The following SNX29 variants were observed in gnomAD, a reference collection of about 807,000 sequenced individuals.
The protein encoded by SNX29 is sorting nexin-29.
SNX29 carries 78 observed loss-of-function variants against 102.1 expected under a neutral mutation model. The ratio of observed to expected loss-of-function variants is 0.76; its 90% CI spans 0.64 to 0.92. SNX29 has a LOEUF of 0.92. Ranked by LOEUF, SNX29 falls within the 40% of genes least tolerant of loss-of-function variation. The probability of loss-of-function intolerance (pLI) is 0.00; values close to 1 mark genes in which losing one functional copy is unlikely to be tolerated. For synonymous variants in SNX29, 580 were observed against 414.5 expected (o/e 1.40, Z -4.85); for missense variants, 1,280 against 1,061.7 (o/e 1.21, Z -2.86).
chr16:12,052,934 G>A (rs1318170241), intron 8 of SNX29: 1 of 153,246 alleles, frequency 6.5e-6, no homozygotes, highest in African/African-American at 2.4e-5. Flanking sequence ...GTTGTGGTAT[G>A]GTGACTTCTG....
intron 13 of SNX29, among the ~76,000 whole-genome samples, chr16:12,150,239 C>T (rs1472356943): frequency 6.6e-6 from 1 of 152,210 alleles, no homozygotes; most frequent in African/African-American, 2.4e-5. Flanking sequence ...GCTGGAAGTT[C>T]TTTGAGCTAT....
At chr16:12,095,863 T>G (rs968619121) in intron 11 of SNX29, among the ~76,000 whole-genome samples, 31 of 152,360 alleles carry the variant, frequency 2.0e-4, no homozygotes, top group African/African-American at 7.2e-4. Flanking sequence ...ATAGGCTGTG[T>G]TGAGGGGGTC....
intron 14 of SNX29, among the ~76,000 whole-genome samples, chr16:12,260,059 C>T (rs906587690): frequency 1.3e-5 from 2 of 152,244 alleles, no homozygotes; most frequent in Non-Finnish European, 2.9e-5. Context: ...GCTTCACAGG[C>T]ACTTCTCTGT....
intron 15 of SNX29, among the ~76,000 whole-genome samples, chr16:12,292,865 T>C (rs1009726947): frequency 6.6e-6 from 1 of 152,222 alleles, no homozygotes; most frequent in African/African-American, 2.4e-5. Flanking sequence ...GTTAAGCTTG[T>C]AAGGATCAGA....
At chr16:12,551,508 C>G (rs926279278) in intron 20 of SNX29, among the ~76,000 whole-genome samples, 1 of 152,188 alleles carries the variant, frequency 6.6e-6, no homozygotes, top group African/African-American at 2.4e-5. Flanking sequence ...TGGGCCTCAG[C>G]ATCAGGATCT....
chr16:12,063,492 AGC>A (rs2050879942), intron 9 of SNX29, among the ~76,000 whole-genome samples: 1 of 147,798 alleles, frequency 6.8e-6, no homozygotes, highest in African/African-American at 2.5e-5. Flanking sequence ...CTCCTGCCTC[AGC>A]TTCCAGATTA....
At chr16:12,214,293 G>A (rs951171452) in intron 14 of SNX29, among the ~76,000 whole-genome samples, 4 of 152,190 alleles carry the variant, frequency 2.6e-5, no homozygotes, top group African/African-American at 7.2e-5. Context: ...CTCCCTCCTC[G>A]GAAGGAGGCC....
At chr16:12,352,989 T>TGGATATGGCATG (rs943112222) in intron 15 of SNX29, among the ~76,000 whole-genome samples, 1 of 146,492 alleles carries the variant, frequency 6.8e-6, no homozygotes, top group African/African-American at 2.8e-5. Context: ...ATATAGGCGT[T>TGGATATGGCATG]GGATATGGCA....
chr16:12,518,633 C>T (rs1342879354), intron 19 of SNX29, among the ~76,000 whole-genome samples: 1 of 152,178 alleles, frequency 6.6e-6, no homozygotes, highest in Admixed American at 6.5e-5. Flanking sequence ...CAGCACTTGC[C>T]CCAGCCTGTC....
Position 12,573,766 on chromosome 16 carries a change from G to GA in SNX29, c.*5138dup. The GA allele has an allele frequency of 4.5e-6, 1 of 222,686 alleles. No individual in the cohort carries two copies. Among genetic ancestry groups the GA allele is most frequent in the Admixed American group, 5.7e-5 (1 of 17,472 alleles). The allele number at this position is 222,686 out of a possible 1,614,324, so 13.8% of individuals were successfully genotyped here. A position where few individuals can be genotyped will look rare whatever the true frequency, so the allele number is the denominator to read the frequency against. ...CACCCAGAGCTACTAAACGCTCAGT[G>GA]ACCCCAGAGACCATTAATTTCCCGG... On this transcript the variant is annotated 3_prime_UTR_variant, in exon 21 of 21. Transcript: ENST00000566228.
intron 20 of SNX29, among the ~76,000 whole-genome samples, chr16:12,538,861 C>G (rs11075090): frequency 0.17 from 25,594 of 151,946 alleles, 2,323 homozygotes; most frequent in South Asian, 0.25. Flanking sequence ...GCACAGAGAA[C>G]GGTAGATGGG....
chr16:12,572,899 C>G lies in SNX29; in HGVS notation c.*4270C>G, dbSNP rs528852539. 142 of 1,027,182 alleles carry G rather than the reference C, an allele frequency of 1.4e-4. 1 individual carries two copies. The African/African-American group carries it at 2.1e-3, about 15-fold the overall frequency. The allele number at this position is 1,027,182 out of a possible 1,614,324, so 63.6% of individuals were successfully genotyped here. A position where few individuals can be genotyped will look rare whatever the true frequency, so the allele number is the denominator to read the frequency against. On this transcript the variant is annotated 3_prime_UTR_variant, in exon 21 of 21. Transcript: ENST00000566228. ...CTTGACTCTGCCTTGGCATTTCGCT[C>G]GGAATCACGGCAGACTTGGAGTGTT...
intron 18 of SNX29, among the ~76,000 whole-genome samples, chr16:12,456,684 G>A (rs1026045950): frequency 6.6e-6 from 1 of 152,096 alleles, no homozygotes; most frequent in South Asian, 2.1e-4. Context: ...GATAGTGTGT[G>A]CACCCGGTAG....
intron 20 of SNX29, among the ~76,000 whole-genome samples, chr16:12,563,859 A>G (rs4780449): frequency 0.8 from 122,154 of 151,940 alleles, 49,878 homozygotes; most frequent in African/African-American, 0.87. Flanking sequence ...CTGAATAGCC[A>G]TCTCTCCCCA....
chr16:12,442,259 ACT>A (rs1357032195), intron 18 of SNX29, among the ~76,000 whole-genome samples: 1 of 151,886 alleles, frequency 6.6e-6, no homozygotes, highest in East Asian at 1.9e-4. Flanking sequence ...TGGACTCTTG[ACT>A]CTGTCCCTTG....
chr16:12,204,976 C>A (rs970415333), intron 14 of SNX29, among the ~76,000 whole-genome samples: 1 of 152,172 alleles, frequency 6.6e-6, no homozygotes, highest in Non-Finnish European at 1.5e-5. Flanking sequence ...GTGTCAGTTT[C>A]CCTGGGATGA....
chr16:12,512,823 A>G (rs9932336), intron 19 of SNX29, among the ~76,000 whole-genome samples: 25,877 of 152,086 alleles, frequency 0.17, 2,610 homozygotes, highest in South Asian at 0.36. Context: ...GATCCCATGG[A>G]CTCAATCAAT....
At chr16:12,038,143 T>C (rs564836364) in intron 4 of SNX29, among the ~76,000 whole-genome samples, 9 of 152,340 alleles carry the variant, frequency 5.9e-5, no homozygotes, top group African/African-American at 1.7e-4. Flanking sequence ...GGATACACTT[T>C]ACATGTATTC....
Position 12,187,915 on chromosome 16 carries a change from C to T in SNX29, c.1596-11686C>T, listed in dbSNP as rs142200560. ...GGGACCTGATGCAGCTGAGGGAAAT[C>T]GGATAATCATTTTCTGAAGTGGTGA... On this transcript the variant is annotated intron_variant, in intron 13 of 20. Coordinates refer to ENST00000566228, the MANE Select transcript of SNX29 (RefSeq NM_032167.5). Among the ~76,000 whole-genome samples, 100 of 152,200 alleles carry T rather than the reference C, an allele frequency of 6.6e-4. 1 individual carries two copies. Among genetic ancestry groups the T allele is most frequent in the Non-Finnish European group, 1.2e-3 (82 of 68,008 alleles).
Sources: gnomAD v4.1 joint callset for allele counts (sites outside exome capture counted in the v4.1 genomes callset) on GRCh38, gnomAD v4.1.1 for gene constraint, MANE v1.5 for transcripts, NCBI Gene and HGNC (gene_info 2026-07-23, HGNC 2026-07-21) for gene names.